Variants in RFTN1 observed in about 807,000 individuals in gnomAD.
RFTN1 encodes the protein raftlin.
RFTN1 carries 26 observed loss-of-function variants against 46.5 expected under a neutral mutation model. The ratio of observed to expected loss-of-function variants is 0.56; its 90% confidence interval spans 0.41 to 0.78. The LOEUF is 0.78. Ranked by LOEUF, RFTN1 falls within the 30% of genes least tolerant of loss-of-function variation. The pLI, the probability that RFTN1 is intolerant of heterozygous loss-of-function variation, is 0.00. For missense variants in RFTN1, 693 were observed against 718.7 expected (o/e 0.96, Z 0.41); for synonymous variants, 261 against 284.2 (o/e 0.92, Z 0.82).
intron 7 of RFTN1, chr3:16,339,630 C>T (rs935662365): frequency 6.6e-6 from 1 of 152,218 alleles, no homozygotes; most frequent in African/African-American, 2.4e-5. Context: ...TGAAAATGGT[C>T]TCAGAGAGAC....
At chr3:16,462,903 G>A (rs561576782) in intron 2 of RFTN1, among the ~76,000 whole-genome samples, 1 of 152,324 alleles carries the variant, frequency 6.6e-6, no homozygotes, top group South Asian at 2.1e-4. Flanking sequence ...CCAAGGGCTG[G>A]TGTTATGAAT....
At chr3:16,398,685 C>G (rs2074532533) in intron 4 of RFTN1, among the ~76,000 whole-genome samples, 1 of 152,140 alleles carries the variant, frequency 6.6e-6, no homozygotes, top group South Asian at 2.1e-4. Context: ...AAACACCAGG[C>G]CTCAGGCAAA....
intron 1 of RFTN1, among the ~76,000 whole-genome samples, chr3:16,501,066 T>G (rs1438733833): frequency 1.3e-5 from 2 of 152,126 alleles, no homozygotes; most frequent in African/African-American, 4.8e-5. Context: ...GAACCCAGGA[T>G]TGCGAGGCTG....
At chr3:16,439,299 T>C (rs1020485234) in intron 2 of RFTN1, among the ~76,000 whole-genome samples, 2 of 152,222 alleles carry the variant, frequency 1.3e-5, no homozygotes, top group Non-Finnish European at 2.9e-5. Context: ...GAATGATTTC[T>C]CCACTTGGAT....
In RFTN1 at chr3:16,433,364, A is replaced by AT. The variant is rs1459590860; in HGVS notation, c.332+486dup. On this transcript the variant is annotated intron_variant, in intron 3 of 9. Transcript: ENST00000334133. The surrounding 1 kb of genome is among the most constrained non-coding windows in gnomAD (Gnocchi z 4.4). ...ATAGCATTTTATTTAGGTGGTGTTT[A>AT]TTTTTTGTATTTTTTTAACTGTCAA... Among the ~76,000 whole-genome samples, 2 of 152,108 alleles carry AT rather than the reference A, an allele frequency of 1.3e-5. No individual in the cohort carries two copies. The highest frequency in any genetic ancestry group is 4.8e-5 in the African/African-American group (2 of 41,426).
rs2076671154 is a variant in RFTN1 at position 16,499,236 on chromosome 3, A to G, written c.-8-5359T>C. Among the ~76,000 whole-genome samples the G allele has an allele frequency of 6.6e-6, 1 of 152,212 alleles. No homozygotes were observed. Among genetic ancestry groups the G allele is most frequent in the Non-Finnish European group, 1.5e-5 (1 of 68,034 alleles). ...TCCAAAATCCACTGACATTCCTCCT[A>G]TTGAGCCTATTGAGAGGTGAGGTCT... On this transcript the variant is annotated intron_variant, in intron 1 of 9. Transcript: ENST00000334133. This position sits in a 1 kb window ranked among gnomAD's most constrained non-coding sequence, Gnocchi z 4.9.
chr3:16,407,814 A>T lies in RFTN1; in HGVS notation c.441+1561T>A, dbSNP rs1408778414. On this transcript the variant is annotated intron_variant, in intron 4 of 9. Coordinates refer to ENST00000334133, the MANE Select transcript of RFTN1 (RefSeq NM_015150.2). This position sits in a 1 kb window ranked among gnomAD's most constrained non-coding sequence, Gnocchi z 4.0. Reference sequence around the variant, plus strand: ...CCCCCTCCCCCATTTCTTAAATAATAATCTGAATTCTACCAGAGTAGAAAG... The same window carrying T: ...CCCCCTCCCCCATTTCTTAAATAATTATCTGAATTCTACCAGAGTAGAAAG... Among the ~76,000 whole-genome samples the T allele has an allele frequency of 3.3e-5, 5 of 152,102 alleles. No individual in the cohort carries two copies. The East Asian group carries it at 7.7e-4, about 23-fold the overall frequency.
chr3:16,377,003 C>T (rs868317082), intron 5 of RFTN1, among the ~76,000 whole-genome samples: 3 of 152,052 alleles, frequency 2.0e-5, no homozygotes, highest in South Asian at 2.1e-4. Context: ...TTCTTACTTA[C>T]ATGGCTTATG....
intron 2 of RFTN1, among the ~76,000 whole-genome samples, chr3:16,441,200 T>C (rs1051618604): frequency 3.3e-5 from 5 of 151,698 alleles, no homozygotes; most frequent in African/African-American, 1.2e-4. Context: ...AAAAGGTATT[T>C]TGGGTGGCAT....
chr3:16,335,380 G>A lies in RFTN1; in HGVS notation c.1147-8504C>T, dbSNP rs1244221236. Among the ~76,000 whole-genome samples the A allele has an allele frequency of 6.6e-6, 1 of 152,202 alleles. No homozygotes were observed. Among genetic ancestry groups the A allele is most frequent in the Non-Finnish European group, 1.5e-5 (1 of 68,034 alleles). The stretch of plus-strand genomic sequence containing the variant: ...AATCCTGCATGGGAAACAGGCTTAA[G>A]AAGGGAGTTTGTACCACATTTTCTT... On this transcript the variant is annotated intron_variant, in intron 7 of 9. Transcript: ENST00000334133. The surrounding 1 kb of genome is among the most constrained non-coding windows in gnomAD (Gnocchi z 4.7).
intron 2 of RFTN1, among the ~76,000 whole-genome samples, chr3:16,436,356 A>C (rs1310846665): frequency 7.0e-6 from 1 of 143,852 alleles, no homozygotes; most frequent in African/African-American, 2.6e-5. Context: ...ATGAAAAAAA[A>C]AATTTTTTTT....
intron 1 of RFTN1, among the ~76,000 whole-genome samples, chr3:16,510,234 G>A (rs998734949): frequency 4.6e-5 from 7 of 152,156 alleles, no homozygotes; most frequent in Admixed American, 6.5e-5. Context: ...TTCAGTAGCC[G>A]GCTGACCAAG....
rs556217922 is a variant in RFTN1, at chr3:16,416,347, G to A, written c.333-6864C>T. On this transcript the variant is annotated intron_variant, in intron 3 of 9. Coordinates refer to ENST00000334133, the MANE Select transcript of RFTN1 (RefSeq NM_015150.2). ...GAAGCAACTAAGACATCTGAGCCCC[G>A]TTAAGTTTTAAAAAGCCATCACAAC... The A allele has an allele frequency of 4.9e-4, 165 of 334,106 alleles. 1 individual carries two copies. Among genetic ancestry groups the A allele is most frequent in the African/African-American group, 3.8e-3 (148 of 38,990 alleles). The allele number at this position is 334,106 out of a possible 1,614,324, so 20.7% of individuals were successfully genotyped here.
At position 16,468,341 on chromosome 3, in the gene RFTN1, C is replaced by T. The variant is rs189542928; in HGVS notation, c.145+25384G>A. Reference sequence around the variant, plus strand: ...GTACCTGCATTCTGTCTCGAGTTTCCGGTAGATAAGTAGGGCTCCCTTAGA... The same window carrying T: ...GTACCTGCATTCTGTCTCGAGTTTCTGGTAGATAAGTAGGGCTCCCTTAGA... On this transcript the variant is annotated intron_variant, in intron 2 of 9. Coordinates refer to ENST00000334133, the MANE Select transcript of RFTN1 (RefSeq NM_015150.2). This position sits in a 1 kb window ranked among gnomAD's most constrained non-coding sequence, Gnocchi z 4.4. 5.7e-4 allele frequency among the ~76,000 whole-genome samples: 86 copies of T among 152,164 alleles called. 2 individuals carry two copies. Among genetic ancestry groups the T allele is most frequent in the Admixed American group, 4.4e-3 (67 of 15,286 alleles).
chr3:16,449,663 T>A lies in RFTN1; in HGVS notation c.146-15626A>T, dbSNP rs939867335. Among the ~76,000 whole-genome samples, 1 of 152,212 alleles carries A rather than the reference T, an allele frequency of 6.6e-6. No homozygotes were observed. Among genetic ancestry groups the A allele is most frequent in the Non-Finnish European group, 1.5e-5 (1 of 68,032 alleles). ...GTCTCGGAACCACTCCAGCTCTGCA[T>A]CAATATTCTTCAGCTTTCACAACTG... On this transcript the variant is annotated intron_variant, in intron 2 of 9. Transcript: ENST00000334133. The surrounding 1 kb of genome is among the most constrained non-coding windows in gnomAD (Gnocchi z 5.1).
chr3:16,512,880 T>C lies in RFTN1; in HGVS notation c.-9+562A>G, dbSNP rs1000602499. On this transcript the variant is annotated intron_variant, in intron 1 of 9. Coordinates refer to ENST00000334133, the MANE Select transcript of RFTN1 (RefSeq NM_015150.2). This position sits in a 1 kb window ranked among gnomAD's most constrained non-coding sequence, Gnocchi z 4.3. ...GCGCTTCCTCGGAGCGCGCGGCATGTCTGCTCCTACACGTCCAGCACCTCT... is the reference window on the plus strand; with the variant it reads ...GCGCTTCCTCGGAGCGCGCGGCATGCCTGCTCCTACACGTCCAGCACCTCT... The C allele has an allele frequency of 6.6e-6, 1 of 152,358 alleles. No individual in the cohort carries two copies. Among genetic ancestry groups the C allele is most frequent in the African/African-American group, 2.4e-5 (1 of 41,532 alleles). 9.4% of individuals were successfully genotyped at this position (152,358 alleles called of 1,614,324 possible). A position where few individuals can be genotyped will look rare whatever the true frequency, so the allele number is the denominator to read the frequency against.
chr3:16,362,950 C>G (rs2072922879), intron 6 of RFTN1, among the ~76,000 whole-genome samples: 1 of 152,138 alleles, frequency 6.6e-6, no homozygotes, highest in Non-Finnish European at 1.5e-5. Flanking sequence ...GCAGGGAAAG[C>G]TACGGCTAGC....
In RFTN1 at chr3:16,481,410, C is replaced by T. The variant is rs1221655167; in HGVS notation, c.145+12315G>A. On this transcript the variant is annotated intron_variant, in intron 2 of 9. Transcript: ENST00000334133. This position sits in a 1 kb window ranked among gnomAD's most constrained non-coding sequence, Gnocchi z 5.1. ...GAACCGATTTCCTTATTACTCTTTG[C>T]ATCTTCTGTTTAAAAACATGGTCTG... Among the ~76,000 whole-genome samples the T allele has an allele frequency of 6.6e-6, 1 of 152,150 alleles. No individual in the cohort carries two copies. Among genetic ancestry groups the T allele is most frequent in the African/African-American group, 2.4e-5 (1 of 41,422 alleles).
rs567723395 is a variant in RFTN1 at position 16,382,236 on chromosome 3, C to T, written c.442-4134G>A. 8.5e-5 allele frequency among the ~76,000 whole-genome samples: 13 copies of T among 152,108 alleles called. No homozygotes were observed. Among genetic ancestry groups the T allele is most frequent in the South Asian group, 2.1e-4 (1 of 4,806 alleles). On this transcript the variant is annotated intron_variant, in intron 4 of 9. Transcript: ENST00000334133. The surrounding 1 kb of genome is among the most constrained non-coding windows in gnomAD (Gnocchi z 4.7). ...GCCAAGTTGTTTACCAAAAAGGGTGCGTAGTCCTTTTTAACTAGACGACCA... is the reference window on the plus strand; with the variant it reads ...GCCAAGTTGTTTACCAAAAAGGGTGTGTAGTCCTTTTTAACTAGACGACCA...
Sources: allele counts gnomAD v4.1 joint callset (sites outside exome capture counted in the v4.1 genomes callset), GRCh38; gene constraint gnomAD v4.1.1; non-coding constraint Gnocchi (gnomAD v3.1); transcripts MANE v1.5; gene names NCBI Gene and HGNC (gene_info 2026-07-23, HGNC 2026-07-21).